The following SH3RF2 variants were observed in gnomAD, a reference collection of about 807,000 sequenced individuals.
SH3RF2 encodes SH3 domain containing ring finger 2, also known as E3 ubiquitin-protein ligase SH3RF2.
Under a neutral mutation model 59.0 loss-of-function variants are expected in SH3RF2, and 43 were observed. The observed-to-expected ratio is 0.73, with a 90% CI of 0.57 to 0.94. SH3RF2 has a LOEUF of 0.94. SH3RF2 is among the 40% of genes least tolerant of loss of function. The pLI is 0.00. For synonymous variants in SH3RF2, 391 were observed against 391.5 expected, an observed-to-expected ratio of 1.00 and a Z score of 0.01; for missense variants, 930 against 940.1, an observed-to-expected ratio of 0.99 and a Z score of 0.14.
chr5:146,003,300 C>G (rs750924458), intron 3 of SH3RF2, among the ~76,000 whole-genome samples: 1 of 152,152 alleles, frequency 6.6e-6, no homozygotes, highest in South Asian at 2.1e-4. Context: ...CACAAAGGAA[C>G]CTTCTGGGTG....
chr5:145,948,727 G>C (rs1758084221), intron 2 of SH3RF2, among the ~76,000 whole-genome samples: 1 of 152,188 alleles, frequency 6.6e-6, no homozygotes, highest in Non-Finnish European at 1.5e-5. Context: ...TGTAGCCTCT[G>C]TTCCTCCGGA....
At chr5:145,980,684 T>A (rs572523065) in intron 2 of SH3RF2, among the ~76,000 whole-genome samples, 1 of 152,352 alleles carries the variant, frequency 6.6e-6, no homozygotes, top group Non-Finnish European at 1.5e-5. Flanking sequence ...TACTCCTCAC[T>A]GTGAAATTTT....
At chr5:145,953,274 G>A (rs979288459) in intron 2 of SH3RF2, among the ~76,000 whole-genome samples, 1 of 152,184 alleles carries the variant, frequency 6.6e-6, no homozygotes, top group Non-Finnish European at 1.5e-5. Context: ...CTCTCTAAGG[G>A]AGGCATTTAT....
At position 146,062,491 on chromosome 5, in the gene SH3RF2, C is replaced by A. The variant is rs867213169; in HGVS notation, c.1980C>A (p.Pro660=). 1 of 1,614,208 alleles carries A rather than the reference C, an allele frequency of 6.2e-7. No homozygotes were observed. Among genetic ancestry groups the A allele is most frequent in the South Asian group, 1.1e-5 (1 of 91,078 alleles). ...PPPTKHYTSH[P]TSGKPEQPAT... is the part of the protein sequence containing the mutation. ...CCACCAAACATTACACCTCCCATCC[C>A]ACCTCCGGAAAGCCTGAACAGCCAG... Residue 660 remains proline (P), a synonymous_variant, in exon 10 of 10, where the codon CCC becomes CCA. Transcript: ENST00000359120.
chr5:145,943,985 G>A (rs373936323), intron 2 of SH3RF2, among the ~76,000 whole-genome samples: 4 of 152,258 alleles, frequency 2.6e-5, no homozygotes, highest in African/African-American at 4.8e-5. Flanking sequence ...GAGAAGAAAT[G>A]TGCCTATTCA....
chr5:146,019,279 CT>C (rs1257377395), intron 5 of SH3RF2, among the ~76,000 whole-genome samples: 1 of 151,952 alleles, frequency 6.6e-6, no homozygotes, highest in Non-Finnish European at 1.5e-5. Context: ...CTTGAGTTAA[CT>C]TTGGTATATG....
At position 146,004,178 on chromosome 5, in the gene SH3RF2, T is replaced by C. The variant is rs764422530; in HGVS notation, c.744+25T>C. 4.5e-6 allele frequency: 7 copies of C among 1,570,422 alleles called. No homozygotes were observed. In the Admixed American group the frequency reaches 1.2e-4, roughly 26 times the overall value. On this transcript the variant is annotated intron_variant, in intron 4 of 9. Coordinates refer to ENST00000359120, the MANE Select transcript of SH3RF2 (RefSeq NM_152550.4). ...GGTACGTGAGTATCAAGTCTACATC[T>C]GATTTACGCATACACAGAAATATTC... is the stretch of plus-strand genomic sequence containing the variant.
intron 2 of SH3RF2, among the ~76,000 whole-genome samples, chr5:145,998,296 A>G (rs1373718495): frequency 2.6e-5 from 4 of 151,664 alleles, no homozygotes; most frequent in Non-Finnish European, 5.9e-5. Context: ...AAAAAAAAAA[A>G]AAGACATGAA....
At chr5:145,963,835 T>G (rs1279221633) in intron 2 of SH3RF2, among the ~76,000 whole-genome samples, 2 of 150,114 alleles carry the variant, frequency 1.3e-5, no homozygotes, top group Non-Finnish European at 3.0e-5. Flanking sequence ...TTTTGTTTTT[T>G]TTTTTTTTCT....
At chr5:145,988,829 G>A (rs1759816878) in intron 2 of SH3RF2, among the ~76,000 whole-genome samples, 1 of 152,098 alleles carries the variant, frequency 6.6e-6, no homozygotes, top group Admixed American at 6.6e-5. Flanking sequence ...GGTGAGCACT[G>A]GGGTTTGCAT....
chr5:146,064,845 AAAG>A (rs1306611710), downstream of SH3RF2, among the ~76,000 whole-genome samples: 1 of 15,950 alleles, frequency 6.3e-5, no homozygotes, highest in Non-Finnish European at 1.6e-3. Context: ...AGAAAGAAAG[AAAG>A]AAAGAAAGAA....
Position 146,061,523 on chromosome 5 carries a change from A to G in SH3RF2, c.1915-903A>G, listed in dbSNP as rs945104939. Among the ~76,000 whole-genome samples, 3 of 152,344 alleles carry G rather than the reference A, an allele frequency of 2.0e-5. No individual in the cohort carries two copies. In the East Asian group the frequency reaches 5.8e-4, roughly 29 times the overall value. The stretch of plus-strand genomic sequence containing the variant: ...CTAGATATTAGGAGGATCAGAACGT[A>G]TGAAGAAACTCAGATCTTAGTGGGG... On this transcript the variant is annotated intron_variant, in intron 9 of 9. Coordinates refer to ENST00000359120, the MANE Select transcript of SH3RF2 (RefSeq NM_152550.4).
intron 5 of SH3RF2, among the ~76,000 whole-genome samples, chr5:146,039,782 C>T (rs372784508): frequency 5.9e-5 from 9 of 152,256 alleles, no homozygotes; most frequent in Non-Finnish European, 1.3e-4. Flanking sequence ...TGCCCATGTG[C>T]ACAGGGGACA....
intron 2 of SH3RF2, among the ~76,000 whole-genome samples, chr5:145,946,729 C>T (rs1208379416): frequency 6.6e-6 from 1 of 152,152 alleles, no homozygotes; most frequent in African/African-American, 2.4e-5. Context: ...TCATACACCA[C>T]AAATTTCATG....
chr5:145,976,435 T>G (rs1157017105), intron 2 of SH3RF2, among the ~76,000 whole-genome samples: 1 of 145,828 alleles, frequency 6.9e-6, no homozygotes, highest in African/African-American at 2.7e-5. Flanking sequence ...ACTAATGGAA[T>G]TAAGAAGGAA....
chr5:145,976,531 T>C (rs947942398), intron 2 of SH3RF2, among the ~76,000 whole-genome samples: 1 of 152,118 alleles, frequency 6.6e-6, no homozygotes, highest in African/African-American at 2.4e-5. Context: ...CCACGTAGTT[T>C]CACTCCCTAA....
At chr5:145,936,852 T>G (rs1260180798) in intron 1 of SH3RF2, 158 bp downstream of exon 1, 2 of 152,280 alleles carry the variant, frequency 1.3e-5, no homozygotes, top group African/African-American at 4.8e-5. Context: ...ACCTCTGGGC[T>G]CGGTGCTTAC....
chr5:145,938,026 G>A lies in SH3RF2; in HGVS notation c.98G>A (p.Cys33Tyr). ...GTCCTCCCTTGCCAGCACACCTTCT[G>A]CAAACCATGTCTACAGAGGGTTTTC... The part of the protein sequence containing the change: ...AKVLPCQHTF[C>Y]KPCLQRVFKA... Residue 33 changes from cysteine to tyrosine, a missense_variant, in exon 2 of 10, where the codon TGC (cysteine) becomes TAC (tyrosine). Coordinates refer to ENST00000359120, the MANE Select transcript of SH3RF2 (RefSeq NM_152550.4). The A allele has an allele frequency of 6.2e-7, 1 of 1,614,226 alleles. No homozygotes were observed.
In SH3RF2 at chr5:145,974,565, T is replaced by C. The variant is rs139754015; in HGVS notation, c.379-25493T>C. Reference sequence around the variant, plus strand: ...TATTATGAGCAAGGTACTGTGCCAGTTATCTTCACATGCATTTTATTATGT... The same window carrying C: ...TATTATGAGCAAGGTACTGTGCCAGCTATCTTCACATGCATTTTATTATGT... On this transcript the variant is annotated intron_variant, in intron 2 of 9. Transcript: ENST00000359120. Among the ~76,000 whole-genome samples the C allele has an allele frequency of 7.2e-5, 11 of 152,348 alleles. 1 individual carries two copies. The East Asian group carries it at 1.5e-3, about 21-fold the overall frequency.
Sources: gnomAD v4.1 joint callset for allele counts (sites outside exome capture counted in the v4.1 genomes callset) on GRCh38, gnomAD v4.1.1 for gene constraint, MANE v1.5 for transcripts, NCBI Gene and HGNC (gene_info 2026-07-23, HGNC 2026-07-21) for gene names.